Variants in PPFIA2 observed in about 807,000 individuals in gnomAD.
The protein encoded by PPFIA2 is liprin-alpha-2.
In PPFIA2, 46 loss-of-function variants were observed where a neutral mutation model predicts 175.5. The ratio of observed to expected loss-of-function variants is 0.26; its 90% CI spans 0.21 to 0.34. The LOEUF is 0.34. Among genes scored for constraint, PPFIA2 ranks in the 10% least tolerant of loss-of-function variants. The pLI is 1.00. For synonymous variants in PPFIA2, 568 were observed against 511.4 expected, an observed-to-expected ratio of 1.11 and a Z score of -1.49; for missense variants, 1,179 against 1,506.1, an observed-to-expected ratio of 0.78 and a Z score of 3.60.
intron 5 of PPFIA2, among the ~76,000 whole-genome samples, chr12:81,454,887 C>T (rs1036911239): frequency 1.3e-5 from 2 of 152,044 alleles, no homozygotes; most frequent in Non-Finnish European, 2.9e-5. Context: ...CTCCCTCTGT[C>T]GCCCAGACTG....
In PPFIA2 at chr12:81,634,574, C is replaced by T. The variant is rs529892600; in HGVS notation, c.303+42217G>A. Among the ~76,000 whole-genome samples, 325 of 152,050 alleles carry T rather than the reference C, an allele frequency of 2.1e-3. 2 individuals are homozygous for T. The highest frequency in any genetic ancestry group is 6.8e-3 in the Middle Eastern group (2 of 294). On this transcript the variant is annotated intron_variant, in intron 4 of 32. Coordinates refer to ENST00000549396, the MANE Select transcript of PPFIA2 (RefSeq NM_003625.5). ...GTGTGGTTAAAATCAGTTCATCACA[C>T]CAGAGGCTTCTGTATTGACCTCTTG...
At chr12:81,397,636 AT>A (rs1022346135) in intron 8 of PPFIA2, among the ~76,000 whole-genome samples, 23 of 151,894 alleles carry the variant, frequency 1.5e-4, no homozygotes, top group Admixed American at 1.1e-3. Context: ...CCAAAAGATA[AT>A]TTTTTTTAAG....
At chr12:81,642,740 T>C (rs1213012150) in intron 4 of PPFIA2, among the ~76,000 whole-genome samples, 1 of 98,148 alleles carries the variant, frequency 1.0e-5, no homozygotes, top group African/African-American at 3.2e-5. Flanking sequence ...TGTATATGTA[T>C]GTATGTATTA....
intron 4 of PPFIA2, among the ~76,000 whole-genome samples, chr12:81,618,311 T>C (rs2061620326): frequency 6.6e-6 from 1 of 151,944 alleles, no homozygotes; most frequent in African/African-American, 2.4e-5. Context: ...TTTTTTTCTG[T>C]TTTATTAACT....
At chr12:81,518,660 A>G (rs1384066215) in intron 4 of PPFIA2, among the ~76,000 whole-genome samples, 1 of 152,108 alleles carries the variant, frequency 6.6e-6, no homozygotes, top group African/African-American at 2.4e-5. Context: ...TCTCTTCCAC[A>G]GAACTCCCTA....
At chr12:81,693,250 A>T (rs1173146350) in intron 3 of PPFIA2, among the ~76,000 whole-genome samples, 1 of 152,042 alleles carries the variant, frequency 6.6e-6, no homozygotes, top group Non-Finnish European at 1.5e-5. Flanking sequence ...CTCATGTCGA[A>T]TTTTAATCCC....
At chr12:81,470,466 G>A (rs1273504534) in intron 4 of PPFIA2, among the ~76,000 whole-genome samples, 2 of 152,306 alleles carry the variant, frequency 1.3e-5, no homozygotes, top group Middle Eastern at 3.4e-3. Flanking sequence ...TACACTGCTG[G>A]TGGGAGTGTA....
chr12:81,443,532 T>C (rs1284453483), intron 6 of PPFIA2, among the ~76,000 whole-genome samples: 1 of 151,770 alleles, frequency 6.6e-6, no homozygotes, highest in East Asian at 1.9e-4. Flanking sequence ...CAACAACCAT[T>C]TTTTTCTTAA....
rs186706809 is a variant in PPFIA2 at position 81,630,689 on chromosome 12, C to A, written c.303+46102G>T. Among the ~76,000 whole-genome samples the A allele has an allele frequency of 4.1e-3, 620 of 152,166 alleles. 3 individuals carry two copies. The highest frequency in any genetic ancestry group is 0.014 in the African/African-American group (582 of 41,518). On this transcript the variant is annotated intron_variant, in intron 4 of 32. Transcript: ENST00000549396. ...AGCTCAAAGCAAGACCAAAAAACTT[C>A]AGAAACTAAGACTTTTGATTTAGCT...
chr12:81,532,420 C>T (rs970609695), intron 4 of PPFIA2, among the ~76,000 whole-genome samples: 4 of 151,842 alleles, frequency 2.6e-5, no homozygotes, highest in African/African-American at 9.6e-5. Flanking sequence ...GCCATGAGGT[C>T]AAGTAGTCCT....
chr12:81,537,772 C>G (rs929518564), intron 4 of PPFIA2, among the ~76,000 whole-genome samples: 5 of 151,782 alleles, frequency 3.3e-5, no homozygotes, highest in Admixed American at 3.3e-4. Context: ...CTGGCCTGCC[C>G]CATGTCTGAC....
chr12:81,438,199 G>T (rs1026084229), intron 7 of PPFIA2, among the ~76,000 whole-genome samples: 49 of 152,178 alleles, frequency 3.2e-4, no homozygotes, highest in African/African-American at 1.2e-3. Context: ...GCTGGGCGCG[G>T]TGGCTCACGC....
chr12:81,689,590 A>G (rs1038705100), intron 3 of PPFIA2, among the ~76,000 whole-genome samples: 3 of 152,050 alleles, frequency 2.0e-5, no homozygotes, highest in African/African-American at 4.8e-5. Context: ...TTTAGAGTCG[A>G]TCATAGAACA....
chr12:81,510,779 GA>G (rs1003908048), intron 4 of PPFIA2, among the ~76,000 whole-genome samples: 58 of 151,840 alleles, frequency 3.8e-4, no homozygotes, highest in South Asian at 1.2e-3. Context: ...CATCATAAAA[GA>G]AAAAAATCTT....
chr12:81,305,275 T>G (rs1047916873), intron 22 of PPFIA2, among the ~76,000 whole-genome samples: 1 of 152,134 alleles, frequency 6.6e-6, no homozygotes, highest in Non-Finnish European at 1.5e-5. Context: ...GATAACTAAT[T>G]TCCGTTCTCC....
chr12:81,674,845 T>C (rs2072159862), intron 4 of PPFIA2, among the ~76,000 whole-genome samples: 2 of 151,926 alleles, frequency 1.3e-5, no homozygotes, highest in African/African-American at 4.8e-5. Context: ...TTGGGCTAAA[T>C]ACCTAGATAC....
rs145479632 is a variant in PPFIA2, at chr12:81,659,918, C to T, written c.303+16873G>A. 3.3e-3 allele frequency among the ~76,000 whole-genome samples: 509 copies of T among 152,192 alleles called. 2 individuals carry two copies. Among genetic ancestry groups the T allele is most frequent in the Middle Eastern group, 6.8e-3 (2 of 294 alleles). On this transcript the variant is annotated intron_variant, in intron 4 of 32. Coordinates refer to ENST00000549396, the MANE Select transcript of PPFIA2 (RefSeq NM_003625.5). ...TCACCAATATTCGATATTCTGCAGC[C>T]TCCACGCTCCAGGCAAACAGGGTTG...
intron 21 of PPFIA2, among the ~76,000 whole-genome samples, chr12:81,334,181 T>G (rs1594969441): frequency 6.6e-6 from 1 of 152,360 alleles, no homozygotes; most frequent in Admixed American, 6.5e-5. Context: ...CAATTATTTA[T>G]GCATGATCAC....
At chr12:81,540,240 G>A (rs1404262361) in intron 4 of PPFIA2, among the ~76,000 whole-genome samples, 2 of 151,968 alleles carry the variant, frequency 1.3e-5, no homozygotes, top group Non-Finnish European at 2.9e-5. Context: ...GAATAAAGAA[G>A]TAAACCTTTT....
Sources: allele counts gnomAD v4.1 joint callset (sites outside exome capture counted in the v4.1 genomes callset), GRCh38; gene constraint gnomAD v4.1.1; transcripts MANE v1.5; gene names NCBI Gene and HGNC (gene_info 2026-07-23, HGNC 2026-07-21).